PDZRN4: variants seen among roughly 807,000 people sequenced by gnomAD.
PDZRN4 encodes PDZ domain-containing RING finger protein 4.
PDZRN4 carries 70 observed loss-of-function variants against 99.0 expected under a neutral mutation model. The ratio of observed to expected loss-of-function variants is 0.71; its 90% CI spans 0.58 to 0.86. PDZRN4 has a LOEUF of 0.86. Among genes scored for constraint, PDZRN4 ranks in the 40% least tolerant of loss-of-function variants. The pLI is 0.00. For synonymous variants in PDZRN4, 551 were observed against 501.6 expected (o/e 1.10, Z -1.32); for missense variants, 1,474 against 1,331.2 (o/e 1.11, Z -1.67).
At chr12:41,562,686 A>G (rs1446060051) in intron 7 of PDZRN4, among the ~76,000 whole-genome samples, 3 of 152,072 alleles carry the variant, frequency 2.0e-5, no homozygotes, top group Non-Finnish European at 4.4e-5. Flanking sequence ...GCACATGAAA[A>G]TGTAGTTTAA....
chr12:41,310,779 A>G (rs1046964567), intron 3 of PDZRN4, among the ~76,000 whole-genome samples: 2 of 152,236 alleles, frequency 1.3e-5, no homozygotes, highest in Non-Finnish European at 2.9e-5. Flanking sequence ...ACAAATTCTT[A>G]CAAATATTTT....
chr12:41,428,221 A>C (rs571395928), intron 3 of PDZRN4, among the ~76,000 whole-genome samples: 1 of 152,234 alleles, frequency 6.6e-6, no homozygotes, highest in Non-Finnish European at 1.5e-5. Flanking sequence ...TAAAGCAGAC[A>C]GGAAAGCACA....
At chr12:41,198,241 G>A (rs879640452) in intron 3 of PDZRN4, among the ~76,000 whole-genome samples, 8 of 151,954 alleles carry the variant, frequency 5.3e-5, no homozygotes, top group Non-Finnish European at 1.0e-4. Flanking sequence ...CTATGATACT[G>A]ATAGCAGGCA....
intron 3 of PDZRN4, among the ~76,000 whole-genome samples, chr12:41,384,954 G>A (rs1183036069): frequency 1.3e-5 from 2 of 152,148 alleles, no homozygotes; most frequent in Admixed American, 1.3e-4. Flanking sequence ...TTACAGATAA[G>A]ATACACCTGA....
At chr12:41,368,778 A>G (rs1331042982) in intron 3 of PDZRN4, among the ~76,000 whole-genome samples, 4 of 152,106 alleles carry the variant, frequency 2.6e-5, no homozygotes, top group Non-Finnish European at 5.9e-5. Context: ...GTGCTCCTGT[A>G]TACATTAGCT....
chr12:41,395,854 A>G (rs150226824), intron 3 of PDZRN4, among the ~76,000 whole-genome samples: 16 of 152,200 alleles, frequency 1.1e-4, no homozygotes, highest in African/African-American at 3.1e-4. Flanking sequence ...TTTTTCTGAG[A>G]TCTTAATTAA....
intron 3 of PDZRN4, among the ~76,000 whole-genome samples, chr12:41,445,327 C>A (rs1952716152): frequency 6.6e-6 from 1 of 152,120 alleles, no homozygotes; most frequent in African/African-American, 2.4e-5. Flanking sequence ...ATCTTATTTA[C>A]ATAATTATTT....
chr12:41,454,549 G>T (rs753112329), intron 3 of PDZRN4, among the ~76,000 whole-genome samples: 1 of 152,200 alleles, frequency 6.6e-6, no homozygotes, highest in Non-Finnish European at 1.5e-5. Flanking sequence ...AGGGATCTTT[G>T]GGGTCATTTG....
At chr12:41,315,768 A>G (rs891267456) in intron 3 of PDZRN4, among the ~76,000 whole-genome samples, 8 of 152,070 alleles carry the variant, frequency 5.3e-5, no homozygotes, top group Admixed American at 2.6e-4. Flanking sequence ...CTAATTTATT[A>G]TACTCATTTA....
At chr12:41,429,775 T>A (rs1952569961) in intron 3 of PDZRN4, among the ~76,000 whole-genome samples, 1 of 134,146 alleles carries the variant, frequency 7.5e-6, no homozygotes, top group Non-Finnish European at 1.5e-5. Flanking sequence ...ATACAAAATG[T>A]ACTAAATAGG....
chr12:41,244,590 T>TCCAGCAGA (rs1951121282), intron 3 of PDZRN4, among the ~76,000 whole-genome samples: 1 of 151,320 alleles, frequency 6.6e-6, no homozygotes, highest in African/African-American at 2.4e-5. Flanking sequence ...CTTCAGCAGG[T>TCCAGCAGA]CCAGCAGACT....
At chr12:41,222,628 C>A (rs1357905651) in intron 3 of PDZRN4, among the ~76,000 whole-genome samples, 2 of 152,170 alleles carry the variant, frequency 1.3e-5, no homozygotes, top group Non-Finnish European at 2.9e-5. Context: ...AAGTGATTCT[C>A]CTGCCTCAGC....
Position 41,573,796 on chromosome 12 carries a change from A to G in PDZRN4, c.3017A>G (p.Asn1006Ser). 6.2e-7 allele frequency: 1 copy of G among 1,613,686 alleles called. No individual in the cohort carries two copies. The highest frequency in any genetic ancestry group is 1.1e-5 in the South Asian group (1 of 91,030). The change falls in exon 10 of 10, where the codon AAC (asparagine) becomes AGC (serine). Residue 1006 changes from asparagine (N) to serine (S), a missense_variant. Coordinates refer to ENST00000402685, the MANE Select transcript of PDZRN4 (RefSeq NM_001164595.2). ...MKKRNKKILD[N>S]WMTIQELMTH... ...AAGAGAAACAAGAAAATTTTGGACA[A>G]CTGGATGACAATCCAAGAACTGATG...
chr12:41,354,302 G>A (rs1292439191), intron 3 of PDZRN4, among the ~76,000 whole-genome samples: 4 of 152,004 alleles, frequency 2.6e-5, no homozygotes, highest in African/African-American at 4.8e-5. Flanking sequence ...CATGCCTGAG[G>A]GCTAACATAT....
At chr12:41,537,422 A>G (rs1785456314) in intron 5 of PDZRN4, among the ~76,000 whole-genome samples, 1 of 152,194 alleles carries the variant, frequency 6.6e-6, no homozygotes, top group South Asian at 2.1e-4. Context: ...TAGAATTTTA[A>G]TTAGGATAGT....
At chr12:41,351,148 G>T (rs1391839035) in intron 3 of PDZRN4, among the ~76,000 whole-genome samples, 1 of 152,072 alleles carries the variant, frequency 6.6e-6, no homozygotes, top group Non-Finnish European at 1.5e-5. Flanking sequence ...CAGAAATCTA[G>T]CATGAAGACA....
chr12:41,439,983 T>C (rs1273216651), intron 3 of PDZRN4, among the ~76,000 whole-genome samples: 1 of 152,120 alleles, frequency 6.6e-6, no homozygotes, highest in East Asian at 1.9e-4. Context: ...TGGAGCCCCG[T>C]GTGGTGCTGC....
chr12:41,290,602 A>T (rs895214751), intron 3 of PDZRN4, among the ~76,000 whole-genome samples: 1 of 152,164 alleles, frequency 6.6e-6, no homozygotes, highest in Admixed American at 6.6e-5. Flanking sequence ...TGGAAGAAAG[A>T]TCTAGAAAAA....
chr12:41,498,047 T>A (rs1938040701), intron 3 of PDZRN4, among the ~76,000 whole-genome samples: 1 of 152,030 alleles, frequency 6.6e-6, no homozygotes, highest in Non-Finnish European at 1.5e-5. Context: ...GTTCCAAGAA[T>A]AGTATAAAAA....
Sources: gnomAD v4.1 joint callset for allele counts (sites outside exome capture counted in the v4.1 genomes callset) on GRCh38, gnomAD v4.1.1 for gene constraint, MANE v1.5 for transcripts, NCBI Gene and HGNC (gene_info 2026-07-23, HGNC 2026-07-21) for gene names.